The following PTPRT variants were observed in gnomAD, a reference collection of about 807,000 sequenced individuals.
PTPRT encodes the protein receptor-type tyrosine-protein phosphatase T.
In PTPRT, 56 loss-of-function variants were observed where a neutral mutation model predicts 176.8. That is an observed-to-expected ratio of 0.32 (90% confidence interval 0.26 to 0.40). The LOEUF (loss-of-function observed/expected upper bound fraction) is 0.40. Ranked by LOEUF, PTPRT falls within the 10% of genes least tolerant of loss-of-function variation. The pLI, the probability that PTPRT is intolerant of heterozygous loss-of-function variation, is 1.00. For missense variants in PTPRT, 1,540 were observed against 1,908.2 expected (o/e 0.81, Z 3.60); for synonymous variants, 783 against 739.0 (o/e 1.06, Z -0.96).
At chr20:42,690,734 TAAAAGATC>T (rs1404557365) in intron 6 of PTPRT, among the ~76,000 whole-genome samples, 20 of 152,308 alleles carry the variant, frequency 1.3e-4, no homozygotes, top group African/African-American at 4.6e-4. Flanking sequence ...TACTGGAAAG[TAAAAGATC>T]ACTGGGTCAG....
At chr20:42,623,829 C>T (rs2074242938) in intron 7 of PTPRT, among the ~76,000 whole-genome samples, 1 of 151,604 alleles carries the variant, frequency 6.6e-6, no homozygotes, top group South Asian at 2.1e-4. Context: ...CTCAGGCTAA[C>T]CTTAGCCCCA....
chr20:42,709,217 G>T (rs2076106874), intron 6 of PTPRT, among the ~76,000 whole-genome samples: 1 of 152,182 alleles, frequency 6.6e-6, no homozygotes, highest in South Asian at 2.1e-4. Flanking sequence ...ACAGATGGCG[G>T]CTGCTCTATC....
chr20:43,075,483 G>A (rs1158096845), intron 1 of PTPRT, among the ~76,000 whole-genome samples: 1 of 152,246 alleles, frequency 6.6e-6, no homozygotes, highest in Non-Finnish European at 1.5e-5. Context: ...GCACTCGTCA[G>A]GTTCCATCCC....
intron 6 of PTPRT, among the ~76,000 whole-genome samples, chr20:42,720,005 C>T (rs1445152699): frequency 4.6e-5 from 7 of 152,168 alleles, no homozygotes; most frequent in East Asian, 1.9e-4. Context: ...GTGGGACAAT[C>T]GGTGCAGATA....
intron 1 of PTPRT, among the ~76,000 whole-genome samples, chr20:43,005,417 T>C (rs1004729640): frequency 6.6e-6 from 1 of 152,130 alleles, no homozygotes; most frequent in African/African-American, 2.4e-5. Flanking sequence ...TGGGTGTTCT[T>C]TTCCCTGTTC....
At chr20:42,782,669 T>C (rs192108056) in intron 3 of PTPRT, among the ~76,000 whole-genome samples, 1 of 152,334 alleles carries the variant, frequency 6.6e-6, no homozygotes, top group Non-Finnish European at 1.5e-5. Flanking sequence ...TTGTATGCTA[T>C]AAGATAAACA....
intron 7 of PTPRT, among the ~76,000 whole-genome samples, chr20:42,524,094 C>G (rs1355539798): frequency 6.6e-6 from 1 of 152,242 alleles, no homozygotes; most frequent in African/African-American, 2.4e-5. Context: ...TAAATAGAAA[C>G]TCCCTCTCAG....
chr20:42,465,375 T>G (rs371082357), intron 8 of PTPRT, among the ~76,000 whole-genome samples: 1 of 152,204 alleles, frequency 6.6e-6, no homozygotes, highest in Non-Finnish European at 1.5e-5. Flanking sequence ...TGCTACAGTA[T>G]TATTTATGAT....
intron 2 of PTPRT, among the ~76,000 whole-genome samples, chr20:42,867,559 C>A (rs2078768923): frequency 6.6e-6 from 1 of 151,962 alleles, no homozygotes; most frequent in Non-Finnish European, 1.5e-5. Flanking sequence ...GCTCAGTCTT[C>A]ACCAATGACA....
intron 6 of PTPRT, among the ~76,000 whole-genome samples, chr20:42,722,369 C>T (rs1280550641): frequency 1.3e-5 from 2 of 152,172 alleles, no homozygotes; most frequent in Admixed American, 1.3e-4. Context: ...TCACTAATGG[C>T]CTCTATGTGA....
chr20:43,080,677 G>C (rs1053915648), intron 1 of PTPRT, among the ~76,000 whole-genome samples: 26 of 152,238 alleles, frequency 1.7e-4, no homozygotes, highest in Admixed American at 1.4e-3. Flanking sequence ...CTTCTTGCAT[G>C]TAGAGGTGGC....
intron 1 of PTPRT, among the ~76,000 whole-genome samples, chr20:43,012,146 C>G (rs2146153799): frequency 6.6e-6 from 1 of 152,260 alleles, no homozygotes; most frequent in South Asian, 2.1e-4. Flanking sequence ...AGTCAATACT[C>G]CTTAATAAAC....
At chr20:42,090,613 C>T (rs1194958096) in intron 27 of PTPRT, among the ~76,000 whole-genome samples, 3 of 152,274 alleles carry the variant, frequency 2.0e-5, no homozygotes, top group South Asian at 4.1e-4. Flanking sequence ...CTCCCTGGCT[C>T]ACATAGACAT....
chr20:42,240,470 A>G (rs1008514762), intron 14 of PTPRT, among the ~76,000 whole-genome samples: 3 of 152,268 alleles, frequency 2.0e-5, no homozygotes. Flanking sequence ...AAACAAAACA[A>G]TAACCCCAAA....
chr20:42,862,624 T>C (rs1424850824), intron 2 of PTPRT, among the ~76,000 whole-genome samples: 6 of 152,174 alleles, frequency 3.9e-5, no homozygotes, highest in African/African-American at 1.4e-4. Flanking sequence ...AGGGAGCCCA[T>C]TAGCATTCAT....
the PTPRT span, among the ~76,000 whole-genome samples, chr20:42,034,159 A>G: frequency 6.6e-6 from 1 of 152,176 alleles, no homozygotes; most frequent in Non-Finnish European, 1.5e-5. Context: ...GGTTGAAATC[A>G]AGGTGTTGAA....
intron 1 of PTPRT, among the ~76,000 whole-genome samples, chr20:43,172,410 A>T (rs1409057662): frequency 1.3e-5 from 2 of 152,214 alleles, no homozygotes; most frequent in Non-Finnish European, 2.9e-5. Context: ...ATCACTCTAA[A>T]TACAGCTTGT....
chr20:42,975,338 T>C (rs1302720798), intron 1 of PTPRT, among the ~76,000 whole-genome samples: 1 of 152,182 alleles, frequency 6.6e-6, no homozygotes, highest in East Asian at 1.9e-4. Context: ...ATGATTTCAA[T>C]TATATGAAAA....
intron 1 of PTPRT, among the ~76,000 whole-genome samples, chr20:43,153,301 C>T (rs958275161): frequency 1.3e-5 from 2 of 152,166 alleles, no homozygotes; most frequent in Non-Finnish European, 2.9e-5. Flanking sequence ...AGAAAGGATA[C>T]ACACAGAATA....
Sources: gnomAD v4.1 joint callset for allele counts (sites outside exome capture counted in the v4.1 genomes callset) on GRCh38, gnomAD v4.1.1 for gene constraint, MANE v1.5 for transcripts, NCBI Gene and HGNC (gene_info 2026-07-23, HGNC 2026-07-21) for gene names.